PCDH7: variants seen among roughly 807,000 people sequenced by gnomAD.
PCDH7 encodes protocadherin-7.
A neutral mutation model predicts 58.9 loss-of-function variants in PCDH7; 17 were observed. That is an observed-to-expected ratio of 0.29 (90% CI 0.20 to 0.43). The LOEUF is 0.43. Ranked by LOEUF, PCDH7 falls within the 20% of genes least tolerant of loss-of-function variation. PCDH7 has a pLI of 1.00. For missense variants in PCDH7, 1,274 were observed against 1,441.0 expected (o/e 0.88, Z 1.88); for synonymous variants, 664 against 616.4 (o/e 1.08, Z -1.14).
At chr4:30,768,114 A>G (rs1363167479) in intron 1 of PCDH7, among the ~76,000 whole-genome samples, 2 of 152,212 alleles carry the variant, frequency 1.3e-5, no homozygotes, top group Non-Finnish European at 2.9e-5. Context: ...TTTAGATAAA[A>G]TGTTCTCACT....
chr4:30,952,707 A>G (rs2109449735), intron 3 of PCDH7, among the ~76,000 whole-genome samples: 1 of 152,254 alleles, frequency 6.6e-6, no homozygotes, highest in Admixed American at 6.5e-5. Context: ...GAGAAGAAAA[A>G]GGGTAATTTA....
At chr4:30,832,253 T>C (rs1038828810) in intron 1 of PCDH7, among the ~76,000 whole-genome samples, 2 of 152,168 alleles carry the variant, frequency 1.3e-5, no homozygotes, top group Admixed American at 1.3e-4. Context: ...GAATTTTGTC[T>C]CACTTATCCA....
intron 1 of PCDH7, among the ~76,000 whole-genome samples, chr4:30,799,832 C>G (rs1725289864): frequency 1.3e-5 from 2 of 151,076 alleles, no homozygotes; most frequent in Admixed American, 6.6e-5. Flanking sequence ...TTTCTCAATT[C>G]TTAATTTGCT....
At chr4:30,868,294 A>G (rs570458243) in intron 1 of PCDH7, among the ~76,000 whole-genome samples, 1 of 152,192 alleles carries the variant, frequency 6.6e-6, no homozygotes, top group African/African-American at 2.4e-5. Flanking sequence ...AGAAATGGTG[A>G]TTTAGGTTCA....
intron 2 of PCDH7, among the ~76,000 whole-genome samples, chr4:30,944,085 C>G (rs1003212488): frequency 1.3e-5 from 2 of 152,074 alleles, no homozygotes; most frequent in Admixed American, 6.6e-5. Flanking sequence ...AACTCCAGGA[C>G]TCAAAATCAT....
At chr4:30,880,830 T>G (rs1272041337) in intron 1 of PCDH7, among the ~76,000 whole-genome samples, 1 of 152,144 alleles carries the variant, frequency 6.6e-6, no homozygotes, top group African/African-American at 2.4e-5. Flanking sequence ...AAAAATGAAT[T>G]GATTGGCGTA....
chr4:30,992,879 A>C (rs1005905532), intron 3 of PCDH7, among the ~76,000 whole-genome samples: 1 of 146,844 alleles, frequency 6.8e-6, no homozygotes, highest in Non-Finnish European at 1.5e-5. Flanking sequence ...GCTCACTGCA[A>C]CTTCCGCCTC....
intron 3 of PCDH7, among the ~76,000 whole-genome samples, chr4:31,107,158 G>T (rs1312327113): frequency 1.3e-5 from 2 of 151,974 alleles, no homozygotes; most frequent in African/African-American, 4.8e-5. Context: ...TCAAAGCAGG[G>T]TATATATCTG....
At chr4:31,089,207 T>C (rs1578765663) in intron 3 of PCDH7, among the ~76,000 whole-genome samples, 2 of 152,194 alleles carry the variant, frequency 1.3e-5, no homozygotes, top group South Asian at 4.1e-4. Context: ...GTAGGTATAA[T>C]TGGACTATGT....
At chr4:31,055,650 C>T (rs896678673) in intron 3 of PCDH7, among the ~76,000 whole-genome samples, 2 of 152,058 alleles carry the variant, frequency 1.3e-5, no homozygotes, top group African/African-American at 2.4e-5. Context: ...GATCTCGGCT[C>T]GCTGCAACCT....
At chr4:30,776,804 A>G (rs1048566136) in intron 1 of PCDH7, among the ~76,000 whole-genome samples, 2 of 151,838 alleles carry the variant, frequency 1.3e-5, no homozygotes, top group Non-Finnish European at 2.9e-5. Flanking sequence ...TGAGTATATC[A>G]TTAGGTACAC....
At chr4:30,974,493 T>G (rs1749891637) in intron 3 of PCDH7, among the ~76,000 whole-genome samples, 1 of 152,040 alleles carries the variant, frequency 6.6e-6, no homozygotes, top group Non-Finnish European at 1.5e-5. Flanking sequence ...CACACAAGCC[T>G]CTCATTTTTC....
In PCDH7 at chr4:31,142,463, T is replaced by C. The variant is rs1270225955; in HGVS notation, c.*8-10T>C. On this transcript the variant is annotated splice_polypyrimidine_tract_variant and intron_variant, in intron 3 of 3. Transcript: ENST00000509759. The stretch of plus-strand genomic sequence containing the variant: ...TCAAATACTAATGGCTTATTCTCCT[T>C]GGATTTCAGATTCAAGGCCTCTTCC... 5.9e-6 allele frequency: 8 copies of C among 1,363,908 alleles called. No individual in the cohort carries two copies. Among genetic ancestry groups the C allele is most frequent in the African/African-American group, 3.0e-5 (2 of 67,622 alleles). 84.5% of individuals were successfully genotyped at this position (1,363,908 alleles called of 1,614,324 possible).
rs146263668 is a variant in PCDH7, at chr4:30,723,239, A to G, written c.1817A>G (p.Glu606Gly). 7 of 1,614,096 alleles carry G rather than the reference A, an allele frequency of 4.3e-6. No individual in the cohort carries two copies. The highest frequency in any genetic ancestry group is 4.0e-5 in the African/African-American group (3 of 74,940). Reference sequence around the variant, plus strand: ...GACCGCGAGCAGACTGACAGGTATGAGTTTAAAGTTAACGCCAAAGACAAA... The same window carrying G: ...GACCGCGAGCAGACTGACAGGTATGGGTTTAAAGTTAACGCCAAAGACAAA... The change falls in exon 1 of 2, where the codon GAG becomes GGG. Residue 606 changes from glutamate to glycine, a missense_variant. Coordinates refer to ENST00000361762, the Ensembl canonical transcript of PCDH7. The surrounding 1 kb of genome is among the most constrained non-coding windows in gnomAD (Gnocchi z 4.6).
chr4:30,734,432 C>T (rs1715957449), downstream of PCDH7, among the ~76,000 whole-genome samples: 1 of 152,062 alleles, frequency 6.6e-6, no homozygotes, highest in Admixed American at 6.5e-5. Flanking sequence ...TGCAGTTTCA[C>T]CATTTCGGTC....
At chr4:30,986,976 T>C (rs1002287400) in intron 3 of PCDH7, among the ~76,000 whole-genome samples, 4 of 144,662 alleles carry the variant, frequency 2.8e-5, no homozygotes, top group Non-Finnish European at 6.2e-5. Context: ...CGAGATTCCG[T>C]CTCAAAAAAA....
At chr4:30,850,197 A>G (rs13152102) in intron 1 of PCDH7, among the ~76,000 whole-genome samples, 4,102 of 152,184 alleles carry the variant, frequency 0.027, 83 homozygotes, top group East Asian at 0.041. Context: ...TTCTTGATAT[A>G]TGTACATATT....
intron 1 of PCDH7, among the ~76,000 whole-genome samples, chr4:30,789,580 C>A (rs1723842700): frequency 6.6e-6 from 1 of 152,094 alleles, no homozygotes; most frequent in South Asian, 2.1e-4. Context: ...CAGTAGGAAG[C>A]AAAATGAAAG....
chr4:30,729,429 T>G (rs1361312657), intron 1 of PCDH7, among the ~76,000 whole-genome samples: 2 of 152,004 alleles, frequency 1.3e-5, no homozygotes, highest in Non-Finnish European at 2.9e-5. Context: ...TTACAGAATT[T>G]TAAAGAAGTT....
Sources: gnomAD v4.1 joint callset for allele counts (sites outside exome capture counted in the v4.1 genomes callset) on GRCh38, gnomAD v4.1.1 for gene constraint, Gnocchi (gnomAD v3.1) non-coding constraint, MANE v1.5 for transcripts, NCBI Gene and HGNC (gene_info 2026-07-23, HGNC 2026-07-21) for gene names.